Variants in METTL22 observed in about 807,000 individuals in gnomAD.
METTL22 encodes the protein methyltransferase 22, Kin17 lysine.
A neutral mutation model predicts 48.4 loss-of-function variants in METTL22; 51 were observed. The observed-to-expected ratio is 1.05, with a 90% CI of 0.84 to 1.33. METTL22 has a LOEUF of 1.33. Among genes scored for constraint, METTL22 ranks in the 40% most tolerant of loss-of-function variants. METTL22 has a pLI of 0.00. For synonymous variants in METTL22, 255 were observed against 214.1 expected (o/e 1.19, Z -1.67); for missense variants, 678 against 526.9 (o/e 1.29, Z -2.81).
At chr16:8,650,005 G>T (rs888614294), downstream of METTL22, among the ~76,000 whole-genome samples, 1 of 152,108 alleles carries the variant, frequency 6.6e-6, no homozygotes, top group Non-Finnish European at 1.5e-5. Context: ...GAGGAGTGAA[G>T]TTGCAACATG....
At position 8,625,508 on chromosome 16, in the gene METTL22, C is replaced by T. The variant is rs183463429; in HGVS notation, c.-158C>T. The T allele has an allele frequency of 4.8e-5, 25 of 524,148 alleles. No homozygotes were observed. In the East Asian group the frequency reaches 7.4e-4, roughly 16 times the overall value. 32.5% of individuals were successfully genotyped at this position (524,148 alleles called of 1,614,324 possible). A position where few individuals can be genotyped will look rare whatever the true frequency, so the allele number is the denominator to read the frequency against. ...CATTAATTTCCAGCTGGATTCTCTT[C>T]CCTGGCCAAGTCTCTGAGATCTTCT... On this transcript the variant is annotated 5_prime_UTR_variant, in exon 2 of 11. Transcript: ENST00000381920.
At chr16:8,633,891 T>G (rs1457406651) in intron 3 of METTL22, among the ~76,000 whole-genome samples, 1 of 152,224 alleles carries the variant, frequency 6.6e-6, no homozygotes, top group Admixed American at 6.5e-5. Flanking sequence ...TCAGGTAGAA[T>G]CTCAGTGGCA....
chr16:8,638,741 G>T (rs1389212775), intron 5 of METTL22, among the ~76,000 whole-genome samples: 1 of 152,140 alleles, frequency 6.6e-6, no homozygotes, highest in Non-Finnish European at 1.5e-5. Context: ...CTTAATCCGT[G>T]AAATGGGATT....
chr16:8,659,704 A>C, the METTL22 span, among the ~76,000 whole-genome samples: 1 of 151,722 alleles, frequency 6.6e-6, no homozygotes, highest in Non-Finnish European at 1.5e-5. Flanking sequence ...CAATTGATTA[A>C]ATTGATTAGG....
At chr16:8,628,583 G>A (rs2056141784) in intron 2 of METTL22, 147 bp from the exon 3 acceptor site, 2 of 1,084,560 alleles carry the variant, frequency 1.8e-6, no homozygotes, top group African/African-American at 1.6e-5. Flanking sequence ...GCTGAATCAA[G>A]TGGGCCTTTT....
At chr16:8,652,151 T>A (rs193212755), downstream of METTL22, among the ~76,000 whole-genome samples, 36 of 152,194 alleles carry the variant, frequency 2.4e-4, no homozygotes, top group Admixed American at 1.9e-3. Flanking sequence ...CTCTTCAGTA[T>A]AGAGTCCAGA....
intron 2 of METTL22, among the ~76,000 whole-genome samples, chr16:8,627,161 A>G (rs1244555577): frequency 6.6e-6 from 1 of 152,036 alleles, no homozygotes; most frequent in Non-Finnish European, 1.5e-5. Context: ...GCAGCCAAGG[A>G]CGTCTTTTGA....
chr16:8,628,929 G>C lies in METTL22; in HGVS notation c.333G>C (p.Val111=). 1 of 1,614,142 alleles carries C rather than the reference G, an allele frequency of 6.2e-7. No individual in the cohort carries two copies. Among genetic ancestry groups the C allele is most frequent in the Non-Finnish European group, 8.5e-7 (1 of 1,180,032 alleles). The change falls in exon 3 of 11, where the codon GTG becomes GTC. Residue 111 remains valine, a synonymous_variant. Coordinates refer to ENST00000381920, the MANE Select transcript of METTL22 (RefSeq NM_024109.4). ...QAGTDTTGQE[V]AEAQLDEDGD... is the part of the protein sequence containing the mutation. Reference sequence around the variant, plus strand: ...GGACTGACACCACTGGCCAGGAAGTGGCTGAAGCTCAGCTGGATGAGGATG... The same window carrying C: ...GGACTGACACCACTGGCCAGGAAGTCGCTGAAGCTCAGCTGGATGAGGATG...
intron 1 of METTL22, 26 bp from the exon 2 acceptor site, chr16:8,625,470 A>C: frequency 2.2e-6 from 1 of 446,516 alleles, no homozygotes; most frequent in Non-Finnish European, 4.0e-6. Flanking sequence ...AAATGAATAT[A>C]AACAAAATAA....
chr16:8,636,001 G>A (rs2056411608), intron 5 of METTL22, among the ~76,000 whole-genome samples: 1 of 152,142 alleles, frequency 6.6e-6, no homozygotes, highest in African/African-American at 2.4e-5. Flanking sequence ...TACAAGTGCG[G>A]GTTTCTGATG....
At position 8,629,012 on chromosome 16, in the gene METTL22, C is replaced by T. The variant is rs776357882; in HGVS notation, c.416C>T (p.Pro139Leu). Reference sequence around the variant, plus strand: ...GCCTCTGATTCCAACCCAGCAGGGCCTCTGAGAGACAAGGTACATCCCATG... The same window carrying T: ...GCCTCTGATTCCAACCCAGCAGGGCTTCTGAGAGACAAGGTACATCCCATG... ...RAASDSNPAG[P>L]LRDKVHPMIL... Residue 139 changes from proline (P) to leucine (L), a missense_variant, in exon 3 of 11, where the codon CCT becomes CTT. By Grantham distance (98) the Pro-to-Leu change is moderately conservative. Transcript: ENST00000381920. 4 of 1,614,110 alleles carry T rather than the reference C, an allele frequency of 2.5e-6. No homozygotes were observed. Among genetic ancestry groups the T allele is most frequent in the Middle Eastern group, 3.3e-4 (2 of 6,062 alleles).
chr16:8,624,756 T>C (rs74761856), intron 1 of METTL22, among the ~76,000 whole-genome samples: 5,899 of 151,988 alleles, frequency 0.039, 385 homozygotes, highest in African/African-American at 0.14. Flanking sequence ...GTCCTAACTA[T>C]GAAGGAGGTT....
the METTL22 span, among the ~76,000 whole-genome samples, chr16:8,664,504 A>T: frequency 1.3e-4 from 19 of 151,724 alleles, no homozygotes; most frequent in Non-Finnish European, 2.4e-4. Context: ...CCCAGCCTGG[A>T]GTGCAGTGAT....
chr16:8,634,959 T>G, intron 3 of METTL22, 80 bp from the exon 4 acceptor site: 2 of 1,582,912 alleles, frequency 1.3e-6, no homozygotes, highest in East Asian at 2.2e-5. Context: ...TGCTGGCGGT[T>G]GCCACACTGT....
At chr16:8,634,017 G>A (rs902598796) in intron 3 of METTL22, among the ~76,000 whole-genome samples, 2 of 152,238 alleles carry the variant, frequency 1.3e-5, no homozygotes, top group African/African-American at 2.4e-5. Flanking sequence ...AGGTGACTAC[G>A]TGTTAGGACG....
chr16:8,645,309 T>G (rs1641068), intron 10 of METTL22, among the ~76,000 whole-genome samples: 1 of 152,182 alleles, frequency 6.6e-6, no homozygotes, highest in Non-Finnish European at 1.5e-5. Flanking sequence ...CTGCCGCCCT[T>G]GCACTCTGTC....
chr16:8,641,498 A>G (rs1641056), intron 7 of METTL22: 539,865 of 542,402 alleles, frequency 1, 268,724 homozygotes, highest in East Asian at 1. Flanking sequence ...GTAGGGGCAT[A>G]GACCCGAGTT....
chr16:8,658,432 A>C, the METTL22 span, among the ~76,000 whole-genome samples: 1 of 152,204 alleles, frequency 6.6e-6, no homozygotes, highest in Non-Finnish European at 1.5e-5. Flanking sequence ...TGTGCACCTC[A>C]TGGTAAAGAA....
chr16:8,635,941 A>G (rs763110566), intron 5 of METTL22, among the ~76,000 whole-genome samples: 2 of 152,204 alleles, frequency 1.3e-5, no homozygotes, highest in Non-Finnish European at 2.9e-5. Flanking sequence ...AAATGTTGAA[A>G]AACATTTTTA....
Sources: allele counts gnomAD v4.1 joint callset (sites outside exome capture counted in the v4.1 genomes callset), GRCh38; gene constraint gnomAD v4.1.1; transcripts MANE v1.5; gene names NCBI Gene and HGNC (gene_info 2026-07-23, HGNC 2026-07-21).